MTHFD1L: variants seen among roughly 807,000 people sequenced by gnomAD.
The protein encoded by MTHFD1L is methylenetetrahydrofolate dehydrogenase (NADP+ dependent) 1 like, also known as monofunctional C1-tetrahydrofolate synthase, mitochondrial.
Under a neutral mutation model 119.5 loss-of-function variants are expected in MTHFD1L, and 81 were observed. That is an observed-to-expected ratio of 0.68 (90% CI 0.57 to 0.82). The LOEUF is 0.82. Among genes scored for constraint, MTHFD1L ranks in the 40% least tolerant of loss-of-function variants. The pLI, the probability that MTHFD1L is intolerant of heterozygous loss-of-function variation, is 0.00. For missense variants in MTHFD1L, 1,125 were observed against 1,253.4 expected (o/e 0.90, Z 1.55); for synonymous variants, 430 against 475.2 (o/e 0.90, Z 1.24).
chr6:150,889,825 G>A (rs1212777160), intron 7 of MTHFD1L, among the ~76,000 whole-genome samples: 1 of 152,132 alleles, frequency 6.6e-6, no homozygotes, highest in African/African-American at 2.4e-5. Flanking sequence ...GTTTAATGGA[G>A]TTTGAGCTAC....
intron 1 of MTHFD1L, chr6:150,866,666 G>C (rs983939605): frequency 8.4e-7 from 1 of 1,186,100 alleles, no homozygotes. Flanking sequence ...CAGCCGCCGG[G>C]GGGAATCCGA....
chr6:150,904,114 T>C (rs559296480), intron 7 of MTHFD1L, among the ~76,000 whole-genome samples: 1 of 152,328 alleles, frequency 6.6e-6, no homozygotes, highest in African/African-American at 2.4e-5. Context: ...TGCACCCTTT[T>C]GCCCAAATAG....
Position 150,922,372 on chromosome 6 carries a change from G to A in MTHFD1L, c.1082+70G>A, listed in dbSNP as rs73783131. On this transcript the variant is annotated intron_variant, in intron 10 of 27. Transcript: ENST00000367321. ...GCCTTAGCCCTAGTTAGTCATGGGG[G>A]AGAAGCACAACTCATGGTACTGTGG... The A allele has an allele frequency of 4.0e-4, 493 of 1,242,284 alleles. 3 individuals are homozygous for A. In the African/African-American group the frequency reaches 6.3e-3, roughly 16 times the overall value. The allele number at this position is 1,242,284 out of a possible 1,614,324, so 77.0% of individuals were successfully genotyped here. A position where few individuals can be genotyped will look rare whatever the true frequency, so the allele number is the denominator to read the frequency against.
chr6:150,920,227 C>A (rs970386231), intron 9 of MTHFD1L, among the ~76,000 whole-genome samples: 7 of 152,166 alleles, frequency 4.6e-5, no homozygotes, highest in African/African-American at 1.7e-4. Context: ...AGTTCACATT[C>A]AAGAGAAGGA....
intron 25 of MTHFD1L, among the ~76,000 whole-genome samples, chr6:151,036,118 T>G (rs1172597848): frequency 6.6e-6 from 1 of 152,206 alleles, no homozygotes; most frequent in Non-Finnish European, 1.5e-5. Context: ...CAAGGAAATA[T>G]TCCTTAAAAG....
At chr6:150,914,863 G>A (rs1487660040) in intron 8 of MTHFD1L, among the ~76,000 whole-genome samples, 1 of 152,182 alleles carries the variant, frequency 6.6e-6, no homozygotes, top group Non-Finnish European at 1.5e-5. Flanking sequence ...TTATTTTGGG[G>A]TGTTTTAAAT....
chr6:151,016,334 CTT>C (rs138675772), intron 24 of MTHFD1L, among the ~76,000 whole-genome samples: 1 of 145,578 alleles, frequency 6.9e-6, no homozygotes. Flanking sequence ...GTTCATTTCT[CTT>C]TTTTTTTTTT....
In MTHFD1L at chr6:151,013,784, G is replaced by A. The variant is rs770390467; in HGVS notation, c.2271G>A (p.Thr757=). The A allele has an allele frequency of 3.1e-6, 5 of 1,612,180 alleles. No individual in the cohort carries two copies. Among genetic ancestry groups the A allele is most frequent in the African/African-American group, 1.3e-5 (1 of 74,970 alleles). Residue 757 remains threonine, a synonymous_variant, in exon 22 of 28, where the codon ACG becomes ACA. Coordinates refer to ENST00000367321, the MANE Select transcript of MTHFD1L (RefSeq NM_015440.5). The part of the protein sequence containing the change: ...LKMHGGGPSV[T]AGVPLKKEYT... ...GTTTTCTCTCCTTATTTCAGGTAAC[G>A]GCTGGTGTTCCTCTTAAGAAAGAAT...
At chr6:150,962,918 T>C (rs1156673431) in intron 18 of MTHFD1L, among the ~76,000 whole-genome samples, 5 of 140,232 alleles carry the variant, frequency 3.6e-5, no homozygotes, top group Non-Finnish European at 7.9e-5. Flanking sequence ...TCTTTTCTTT[T>C]TTTTTTTTTT....
chr6:150,916,441 C>T (rs2128880282), intron 8 of MTHFD1L, among the ~76,000 whole-genome samples: 1 of 136,342 alleles, frequency 7.3e-6, no homozygotes, highest in Non-Finnish European at 1.5e-5. Flanking sequence ...GCTGGGATCA[C>T]AGGTGTGCAC....
intron 7 of MTHFD1L, among the ~76,000 whole-genome samples, chr6:150,896,078 G>T (rs140020408): frequency 3.3e-5 from 5 of 152,260 alleles, no homozygotes; most frequent in African/African-American, 1.2e-4. Flanking sequence ...CAAAGATCAT[G>T]TGATTAAAAA....
chr6:150,883,141 T>C (rs1324211781), intron 5 of MTHFD1L, among the ~76,000 whole-genome samples: 2 of 152,098 alleles, frequency 1.3e-5, no homozygotes, highest in Non-Finnish European at 2.9e-5. Flanking sequence ...CAAGCGATTT[T>C]CCTGCCTCAG....
rs6899464 is a variant in MTHFD1L at position 151,100,778 on chromosome 6, G to A, written c.*32-748G>A. On this transcript the variant is annotated intron_variant, in intron 27 of 27. Transcript: ENST00000367321. ...AAGTTCCAGGACCATGAACTTCCATGTTGTCCTAAATGCATTTTTCAAACA... is the reference window on the plus strand; with the variant it reads ...AAGTTCCAGGACCATGAACTTCCATATTGTCCTAAATGCATTTTTCAAACA... 2.1e-3 allele frequency among the ~76,000 whole-genome samples: 313 copies of A among 151,988 alleles called. 1 individual carries two copies. The highest frequency in any genetic ancestry group is 7.2e-3 in the African/African-American group (297 of 41,442).
At chr6:151,013,221 T>G (rs900104606) in intron 21 of MTHFD1L, among the ~76,000 whole-genome samples, 2 of 151,972 alleles carry the variant, frequency 1.3e-5, no homozygotes, top group Non-Finnish European at 2.9e-5. Context: ...CTCTACAAAA[T>G]AATAAAAAAT....
At chr6:150,992,947 G>A (rs1406277238) in intron 20 of MTHFD1L, among the ~76,000 whole-genome samples, 3 of 152,208 alleles carry the variant, frequency 2.0e-5, no homozygotes, top group African/African-American at 7.2e-5. Context: ...CACTCACCCA[G>A]TGCTTCTGAT....
intron 1 of MTHFD1L, among the ~76,000 whole-genome samples, chr6:150,867,195 C>T (rs1278531159): frequency 6.6e-6 from 1 of 152,064 alleles, no homozygotes; most frequent in African/African-American, 2.4e-5. Context: ...TGTTCTCTGT[C>T]TTCTTTTTCT....
intron 26 of MTHFD1L, among the ~76,000 whole-genome samples, chr6:151,091,567 C>T (rs78875901): frequency 1.2e-3 from 187 of 152,268 alleles, no homozygotes; most frequent in African/African-American, 4.3e-3. Context: ...ACTAACTAGC[C>T]ATGTGTCCTT....
In MTHFD1L at chr6:150,994,078, A is replaced by AGAAAGAAAGAAAGAAAGAAAG. The variant is rs1779448088; in HGVS notation, c.2126-15741_2126-15740insGAAAGAAAGAAAGAAAGAAAG. 1.2e-4 allele frequency among the ~76,000 whole-genome samples: 14 copies of AGAAAGAAAGAAAGAAAGAAAG among 118,060 alleles called. 1 individual carries two copies. Among genetic ancestry groups the AGAAAGAAAGAAAGAAAGAAAG allele is most frequent in the Non-Finnish European group, 2.1e-4 (13 of 62,724 alleles). 77.5% of individuals were successfully genotyped at this position (118,060 alleles called of 152,430 possible). The stretch of plus-strand genomic sequence containing the variant: ...AACAACAACAGTAAAAAAAAAAAAA[A>AGAAAGAAAGAAAGAAAGAAAG]AAGAAAGAAAGAAAGAAAGTGACCC... On this transcript the variant is annotated intron_variant, in intron 20 of 27. Transcript: ENST00000367321.
Position 151,080,924 on chromosome 6 carries a change from G to A in MTHFD1L, c.2848-11543G>A, listed in dbSNP as rs530229605. ...GGGTTGTTTTTTGTGTTTGTTTTGA[G>A]ATGGGGTCTTGCTCTGTCACCCAGG... On this transcript the variant is annotated intron_variant, in intron 26 of 27. Coordinates refer to ENST00000367321, the MANE Select transcript of MTHFD1L (RefSeq NM_015440.5). Among the ~76,000 whole-genome samples the A allele has an allele frequency of 3.3e-5, 5 of 152,312 alleles. 1 individual carries two copies. The South Asian group carries it at 1.0e-3, about 32-fold the overall frequency.
Sources: gnomAD v4.1 joint callset for allele counts (sites outside exome capture counted in the v4.1 genomes callset) on GRCh38, gnomAD v4.1.1 for gene constraint, MANE v1.5 for transcripts, NCBI Gene and HGNC (gene_info 2026-07-23, HGNC 2026-07-21) for gene names.